TMEM132C: variants seen among roughly 807,000 people sequenced by gnomAD.
TMEM132C encodes transmembrane protein 132C.
In TMEM132C, 29 loss-of-function variants were observed where a neutral mutation model predicts 61.4. The ratio of observed to expected loss-of-function variants is 0.47; its 90% CI spans 0.35 to 0.64. The LOEUF (loss-of-function observed/expected upper bound fraction) is 0.64. Among genes scored for constraint, TMEM132C ranks in the 30% least tolerant of loss-of-function variants. The probability of loss-of-function intolerance (pLI) is 0.00; values close to 1 mark genes in which losing one functional copy is unlikely to be tolerated. For synonymous variants in TMEM132C, 656 were observed against 633.1 expected (o/e 1.04, Z -0.54); for missense variants, 1,408 against 1,476.9 (o/e 0.95, Z 0.76).
intron 1 of TMEM132C, among the ~76,000 whole-genome samples, chr12:128,384,854 G>A (rs1051316293): frequency 2.0e-5 from 3 of 152,254 alleles, no homozygotes; most frequent in Non-Finnish European, 4.4e-5. Context: ...GAGACATAAT[G>A]AGCCTCATGC....
chr12:128,318,429 A>G (rs1211028293), intron 1 of TMEM132C, among the ~76,000 whole-genome samples: 1 of 152,186 alleles, frequency 6.6e-6, no homozygotes, highest in Non-Finnish European at 1.5e-5. Context: ...GATAAGTAGA[A>G]ACACACACTC....
chr12:128,410,905 C>T (rs576588992), intron 1 of TMEM132C, among the ~76,000 whole-genome samples: 2 of 152,180 alleles, frequency 1.3e-5, no homozygotes, highest in South Asian at 2.1e-4. Context: ...TACCTTTAGA[C>T]GTCTTTTTAT....
chr12:128,693,960 C>T lies in TMEM132C; in HGVS notation c.1581C>T (p.Pro527=), dbSNP rs1464212327. 9 of 1,551,622 alleles carry T rather than the reference C, an allele frequency of 5.8e-6. No individual in the cohort carries two copies. Among genetic ancestry groups the T allele is most frequent in the Non-Finnish European group, 7.8e-6 (9 of 1,147,018 alleles). ...TCACCGTGTGGGTGCCCCGGCTGCCCCTGCAGATCGAGGTCTCTGACACGG... is the reference window on the plus strand; with the variant it reads ...TCACCGTGTGGGTGCCCCGGCTGCCTCTGCAGATCGAGGTCTCTGACACGG... The part of the protein sequence containing the change: ...LCVTVWVPRL[P]LQIEVSDTEL... Residue 527 remains proline (P), a synonymous_variant, in exon 6 of 9, where the codon CCC becomes CCT. Coordinates refer to ENST00000435159, the MANE Select transcript of TMEM132C (RefSeq NM_001136103.3).
intron 1 of TMEM132C, among the ~76,000 whole-genome samples, chr12:128,286,395 G>A (rs1871075293): frequency 6.6e-6 from 1 of 152,198 alleles, no homozygotes; most frequent in Non-Finnish European, 1.5e-5. Context: ...TGATGAACGG[G>A]AATATGATGC....
At chr12:128,355,912 C>T (rs547068035) in intron 1 of TMEM132C, among the ~76,000 whole-genome samples, 32 of 152,258 alleles carry the variant, frequency 2.1e-4, no homozygotes, top group African/African-American at 7.5e-4. Context: ...ACTCTTTACC[C>T]CCTTCCTGCC....
intron 1 of TMEM132C, among the ~76,000 whole-genome samples, chr12:128,410,218 G>T (rs1333036495): frequency 1.3e-5 from 2 of 152,022 alleles, no homozygotes; most frequent in African/African-American, 4.8e-5. Flanking sequence ...TACAAGAATA[G>T]TGAAAGGAAT....
chr12:128,571,116 T>C (rs1397383669), intron 3 of TMEM132C, among the ~76,000 whole-genome samples: 1 of 152,186 alleles, frequency 6.6e-6, no homozygotes, highest in Non-Finnish European at 1.5e-5. Flanking sequence ...ACCTTGAAAC[T>C]ATACCAGACA....
intron 2 of TMEM132C, among the ~76,000 whole-genome samples, chr12:128,543,624 G>A (rs7305699): frequency 0.47 from 70,639 of 151,856 alleles, 16,965 homozygotes; most frequent in Non-Finnish European, 0.52. Flanking sequence ...CTGGCAGGGC[G>A]CAGAGCCCCC....
chr12:128,519,971 A>T (rs1872845986), intron 2 of TMEM132C, among the ~76,000 whole-genome samples: 1 of 152,168 alleles, frequency 6.6e-6, no homozygotes, highest in Non-Finnish European at 1.5e-5. Context: ...TTTCAAGCTC[A>T]TTGGTTTTCT....
chr12:128,367,798 T>C (rs1482904931), intron 1 of TMEM132C, among the ~76,000 whole-genome samples: 2 of 152,180 alleles, frequency 1.3e-5, no homozygotes, highest in Non-Finnish European at 2.9e-5. Flanking sequence ...CAAATGATAA[T>C]ATTTTTGTTT....
At chr12:128,355,246 A>C (rs1873466767) in intron 1 of TMEM132C, among the ~76,000 whole-genome samples, 1 of 152,136 alleles carries the variant, frequency 6.6e-6, no homozygotes, top group Admixed American at 6.5e-5. Flanking sequence ...GAATAGGTGA[A>C]GGGTCCCAGA....
chr12:128,476,085 G>C (rs1454315666), intron 2 of TMEM132C, among the ~76,000 whole-genome samples: 1 of 152,156 alleles, frequency 6.6e-6, no homozygotes, highest in Non-Finnish European at 1.5e-5. Context: ...CTTTCCTCCA[G>C]GTAGGCAGCA....
intron 2 of TMEM132C, chr12:128,438,926 T>C (rs569529546): frequency 2.6e-5 from 4 of 152,254 alleles, no homozygotes; most frequent in Non-Finnish European, 4.4e-5. Flanking sequence ...CTTCCTCTTT[T>C]TTTCCCCCCA....
At chr12:128,366,210 G>A (rs370928150) in intron 1 of TMEM132C, among the ~76,000 whole-genome samples, 12 of 152,118 alleles carry the variant, frequency 7.9e-5, no homozygotes, top group East Asian at 5.8e-4. Flanking sequence ...TCCTCCCAGC[G>A]ACAGACTCCA....
chr12:128,336,475 C>G (rs984357484), intron 1 of TMEM132C, among the ~76,000 whole-genome samples: 4 of 152,202 alleles, frequency 2.6e-5, no homozygotes, highest in African/African-American at 9.6e-5. Context: ...TATATTTAAG[C>G]CAAGTTACTA....
At chr12:128,580,190 G>T (rs138889022) in intron 3 of TMEM132C, among the ~76,000 whole-genome samples, 32 of 152,256 alleles carry the variant, frequency 2.1e-4, no homozygotes, top group Admixed American at 2.0e-3. Context: ...AATAACCCAT[G>T]AAAATAGCCT....
intron 2 of TMEM132C, among the ~76,000 whole-genome samples, chr12:128,540,501 C>T (rs1039108547): frequency 1.3e-5 from 2 of 152,188 alleles, no homozygotes; most frequent in Non-Finnish European, 2.9e-5. Flanking sequence ...ATCTGCCTAC[C>T]TCGGCCTCCC....
At chr12:128,503,903 T>G (rs1037178906) in intron 2 of TMEM132C, among the ~76,000 whole-genome samples, 6 of 152,202 alleles carry the variant, frequency 3.9e-5, no homozygotes, top group Admixed American at 3.9e-4. Flanking sequence ...TCTCTCATGG[T>G]TTATGGGGAT....
intron 2 of TMEM132C, among the ~76,000 whole-genome samples, chr12:128,517,367 G>A (rs1177016836): frequency 1.3e-5 from 2 of 151,186 alleles, no homozygotes; most frequent in Non-Finnish European, 1.5e-5. Flanking sequence ...CCCAGGAGGC[G>A]AAGTTTGCAG....
Sources: gnomAD v4.1 joint callset for allele counts (sites outside exome capture counted in the v4.1 genomes callset) on GRCh38, gnomAD v4.1.1 for gene constraint, MANE v1.5 for transcripts, NCBI Gene and HGNC (gene_info 2026-07-23, HGNC 2026-07-21) for gene names.